Variants in SPOCK3 observed in about 807,000 individuals in gnomAD.
The protein encoded by SPOCK3 is SPARC (osteonectin), cwcv and kazal like domains proteoglycan 3, also known as testican-3.
Under a neutral mutation model 56.6 loss-of-function variants are expected in SPOCK3, and 30 were observed. The ratio of observed to expected loss-of-function variants is 0.53; its 90% CI spans 0.40 to 0.72. The LOEUF is 0.72. Among genes scored for constraint, SPOCK3 ranks in the 30% least tolerant of loss-of-function variants. SPOCK3 has a pLI of 0.00. For missense variants in SPOCK3, 527 were observed against 530.0 expected (o/e 0.99, Z 0.06); for synonymous variants, 196 against 183.3 (o/e 1.07, Z -0.56).
At chr4:166,863,297 G>C (rs1447169309) in intron 6 of SPOCK3, among the ~76,000 whole-genome samples, 1 of 151,784 alleles carries the variant, frequency 6.6e-6, no homozygotes, top group African/African-American at 2.4e-5. Context: ...CACTAAACAT[G>C]GAAAGGAAAA....
chr4:167,222,577 C>A (rs1736054634), intron 2 of SPOCK3, among the ~76,000 whole-genome samples: 1 of 135,772 alleles, frequency 7.4e-6, no homozygotes, highest in African/African-American at 2.7e-5. Context: ...GTTATAGATT[C>A]ATATATGAAT....
intron 2 of SPOCK3, among the ~76,000 whole-genome samples, chr4:167,218,802 CAAT>C (rs1278049634): frequency 2.0e-5 from 3 of 152,004 alleles, no homozygotes; most frequent in Non-Finnish European, 4.4e-5. Flanking sequence ...TTTTAAATGA[CAAT>C]AACATTAGCA....
intron 4 of SPOCK3, among the ~76,000 whole-genome samples, chr4:166,970,607 C>T (rs1409001567): frequency 6.6e-6 from 1 of 151,924 alleles, no homozygotes; most frequent in African/African-American, 2.4e-5. Context: ...GCCTGTAATC[C>T]CAGCTACTTG....
intron 2 of SPOCK3, among the ~76,000 whole-genome samples, chr4:167,095,676 T>C (rs1035856943): frequency 3.3e-5 from 5 of 151,920 alleles, no homozygotes; most frequent in African/African-American, 1.2e-4. Context: ...TGAAGGACTC[T>C]GTACTCACAA....
At chr4:167,057,392 A>C (rs1344492778) in intron 3 of SPOCK3, among the ~76,000 whole-genome samples, 1 of 152,156 alleles carries the variant, frequency 6.6e-6, no homozygotes, top group African/African-American at 2.4e-5. Flanking sequence ...CGAGCAAAAT[A>C]ACCAGCTAAC....
chr4:166,779,300 G>T (rs1739909425), intron 7 of SPOCK3, among the ~76,000 whole-genome samples: 1 of 152,004 alleles, frequency 6.6e-6, no homozygotes, highest in African/African-American at 2.4e-5. Context: ...AAAAAGTAAA[G>T]ATAATCAATT....
chr4:166,916,985 G>A (rs1737930347), intron 4 of SPOCK3, among the ~76,000 whole-genome samples: 1 of 152,116 alleles, frequency 6.6e-6, no homozygotes, highest in Non-Finnish European at 1.5e-5. Flanking sequence ...GATGTTAAAA[G>A]AGAGAGCTAG....
intron 2 of SPOCK3, among the ~76,000 whole-genome samples, chr4:167,114,321 TTTTC>T (rs1387568548): frequency 6.6e-6 from 1 of 152,052 alleles, no homozygotes; most frequent in African/African-American, 2.4e-5. Context: ...AAAAATACCT[TTTTC>T]TAAGTTGAGA....
intron 2 of SPOCK3, among the ~76,000 whole-genome samples, chr4:167,153,801 C>G (rs1006211421): frequency 6.6e-6 from 1 of 152,270 alleles, no homozygotes; most frequent in South Asian, 2.1e-4. Context: ...CATCAACTAA[C>G]AAAGACAATT....
At chr4:167,177,449 T>C (rs1028116685) in intron 2 of SPOCK3, among the ~76,000 whole-genome samples, 2 of 151,824 alleles carry the variant, frequency 1.3e-5, no homozygotes, top group African/African-American at 2.4e-5. Flanking sequence ...GTTCCATGAG[T>C]TGGATTTAAT....
chr4:166,801,473 A>T (rs1742589316), intron 6 of SPOCK3, among the ~76,000 whole-genome samples: 2 of 152,136 alleles, frequency 1.3e-5, no homozygotes, highest in Admixed American at 6.5e-5. Flanking sequence ...TATTGTGTCA[A>T]GAATATAGTT....
At chr4:167,164,586 C>A (rs555267798) in intron 2 of SPOCK3, among the ~76,000 whole-genome samples, 4 of 151,942 alleles carry the variant, frequency 2.6e-5, no homozygotes, top group African/African-American at 4.8e-5. Context: ...TGCTCTCCCC[C>A]ATCTTTCCCC....
At chr4:166,879,365 C>T (rs1477411675) in intron 6 of SPOCK3, among the ~76,000 whole-genome samples, 1 of 151,718 alleles carries the variant, frequency 6.6e-6, no homozygotes, top group Non-Finnish European at 1.5e-5. Flanking sequence ...CCTGTCTCTA[C>T]AAAAATAAAA....
Position 166,885,082 on chromosome 4 carries a change from T to G in SPOCK3, c.589+4048A>C, listed in dbSNP as rs573818153. On this transcript the variant is annotated intron_variant, in intron 6 of 10. Coordinates refer to ENST00000357545, the MANE Select transcript of SPOCK3 (RefSeq NM_001040159.2). ...AGAAAAATAAGCTAGTCCTTTTGGT[T>G]AGCATTCTATAAATCACCCAGATTA... Among the ~76,000 whole-genome samples, 7 of 152,088 alleles carry G rather than the reference T, an allele frequency of 4.6e-5. No individual in the cohort carries two copies. In the South Asian group the frequency reaches 1.5e-3, roughly 32 times the overall value.
chr4:166,792,816 A>G (rs1579241461), intron 6 of SPOCK3, among the ~76,000 whole-genome samples: 1 of 152,224 alleles, frequency 6.6e-6, no homozygotes, highest in South Asian at 2.1e-4. Flanking sequence ...AAACAGCTAT[A>G]TAACTTGTGA....
chr4:167,059,794 CAT>C (rs1415739526), intron 3 of SPOCK3, among the ~76,000 whole-genome samples: 1 of 152,132 alleles, frequency 6.6e-6, no homozygotes, highest in Non-Finnish European at 1.5e-5. Flanking sequence ...AAATGTGGCA[CAT>C]ATACACCATG....
chr4:166,852,093 A>G (rs570848143), intron 6 of SPOCK3, among the ~76,000 whole-genome samples: 1 of 151,646 alleles, frequency 6.6e-6, no homozygotes, highest in Non-Finnish European at 1.5e-5. Context: ...TGGGAATTGA[A>G]CAATGAGAAC....
At chr4:167,119,741 G>C in intron 2 of SPOCK3, 1 of 1,244,380 alleles carries the variant, frequency 8.0e-7, no homozygotes, top group Admixed American at 2.0e-5. Flanking sequence ...AACATAATGG[G>C]TACTCTGCTA....
intron 3 of SPOCK3, among the ~76,000 whole-genome samples, chr4:167,057,825 C>A (rs139458321): frequency 4.3e-4 from 65 of 152,206 alleles, no homozygotes; most frequent in African/African-American, 1.5e-3. Flanking sequence ...TAGACTCCCA[C>A]ACAATAATAA....
Sources: gnomAD v4.1 joint callset for allele counts (sites outside exome capture counted in the v4.1 genomes callset) on GRCh38, gnomAD v4.1.1 for gene constraint, MANE v1.5 for transcripts, NCBI Gene and HGNC (gene_info 2026-07-23, HGNC 2026-07-21) for gene names.